Variants in PDE1C observed in about 807,000 individuals in gnomAD.
The protein encoded by PDE1C is phosphodiesterase 1C.
Under a neutral mutation model 93.1 loss-of-function variants are expected in PDE1C, and 62 were observed. That is an observed-to-expected ratio of 0.67 (90% CI 0.54 to 0.82). The LOEUF (loss-of-function observed/expected upper bound fraction) is 0.82. Among genes scored for constraint, PDE1C ranks in the 40% least tolerant of loss-of-function variants. The pLI is 0.00. For missense variants in PDE1C, 742 were observed against 884.6 expected, an observed-to-expected ratio of 0.84 and a Z score of 2.04; for synonymous variants, 325 against 310.1, an observed-to-expected ratio of 1.05 and a Z score of -0.50.
intron 1 of PDE1C, among the ~76,000 whole-genome samples, chr7:32,315,635 A>T (rs1783153432): frequency 6.6e-6 from 1 of 152,244 alleles, no homozygotes; most frequent in African/African-American, 2.4e-5. Context: ...ATAGAAAAAT[A>T]AACATTTTTA....
chr7:31,807,119 C>G (rs967100910), intron 16 of PDE1C, among the ~76,000 whole-genome samples: 1 of 151,640 alleles, frequency 6.6e-6, no homozygotes, highest in East Asian at 2.0e-4. Context: ...CTATTGATAC[C>G]AAAGCAGTAA....
chr7:31,625,937 G>C, the PDE1C span, among the ~76,000 whole-genome samples: 1 of 151,840 alleles, frequency 6.6e-6, no homozygotes, highest in Non-Finnish European at 1.5e-5. Flanking sequence ...TAGTAAGAAG[G>C]GTTTTTATTT....
intron 9 of PDE1C, among the ~76,000 whole-genome samples, chr7:31,846,466 T>C (rs1046666799): frequency 4.6e-5 from 7 of 152,014 alleles, no homozygotes; most frequent in Non-Finnish European, 8.8e-5. Flanking sequence ...TTATACCTTA[T>C]ACAAAAATTA....
intron 2 of PDE1C, among the ~76,000 whole-genome samples, chr7:32,171,568 T>C (rs982071297): frequency 6.7e-6 from 1 of 150,004 alleles, no homozygotes; most frequent in Non-Finnish European, 1.5e-5. Context: ...CAAAATTAAA[T>C]TATTAAAATT....
At chr7:32,348,889 T>C (rs200048688) in intron 1 of PDE1C, among the ~76,000 whole-genome samples, 1 of 117,410 alleles carries the variant, frequency 8.5e-6, no homozygotes, top group Admixed American at 8.1e-5. Context: ...TGATCAAAGA[T>C]CAATAAGCAA....
At chr7:31,805,494 T>C (rs1457556153) in intron 16 of PDE1C, among the ~76,000 whole-genome samples, 1 of 151,832 alleles carries the variant, frequency 6.6e-6, no homozygotes, top group Non-Finnish European at 1.5e-5. Context: ...TTTTATTCTG[T>C]TAACTAAAGC....
At chr7:31,724,504 C>T in the PDE1C span, among the ~76,000 whole-genome samples, 591 of 152,340 alleles carry the variant, frequency 3.9e-3, 2 homozygotes, top group African/African-American at 0.014. Context: ...CAATCCAAAG[C>T]ATCTCCCACC....
chr7:32,140,809 G>A (rs1800480134), intron 3 of PDE1C, among the ~76,000 whole-genome samples: 1 of 152,262 alleles, frequency 6.6e-6, no homozygotes, highest in Non-Finnish European at 1.5e-5. Flanking sequence ...GAGTGAGGAT[G>A]TGGGATGTAT....
intron 2 of PDE1C, among the ~76,000 whole-genome samples, chr7:32,007,959 C>T (rs1164727121): frequency 6.6e-6 from 1 of 152,170 alleles, no homozygotes; most frequent in Admixed American, 6.5e-5. Context: ...TAGAACAAAG[C>T]ATTTCAGAGA....
At chr7:32,207,842 TC>T (rs1194927371) in intron 2 of PDE1C, among the ~76,000 whole-genome samples, 1 of 151,990 alleles carries the variant, frequency 6.6e-6, no homozygotes, top group Non-Finnish European at 1.5e-5. Flanking sequence ...AGGACCGCCC[TC>T]CCCCCAACCT....
chr7:31,645,986 G>T, the PDE1C span, among the ~76,000 whole-genome samples: 144 of 152,250 alleles, frequency 9.5e-4, 1 homozygote, highest in African/African-American at 3.3e-3. Flanking sequence ...CATTTTGAGA[G>T]GCCGTATGGG....
the PDE1C span, chr7:31,652,095 C>T: frequency 1.5e-6 from 2 of 1,312,242 alleles, no homozygotes; most frequent in Non-Finnish European, 2.2e-6. Context: ...CAGCCTACCA[C>T]AGGAGAGGTG....
chr7:31,839,789 C>A (rs973251383), intron 9 of PDE1C, among the ~76,000 whole-genome samples: 15 of 152,198 alleles, frequency 9.9e-5, no homozygotes, highest in Non-Finnish European at 1.5e-4. Context: ...GTAATCCCAA[C>A]ACTTTGGGAG....
chr7:31,642,193 G>A, the PDE1C span: 18 of 1,560,642 alleles, frequency 1.2e-5, no homozygotes, highest in South Asian at 2.4e-5. Context: ...GGTGGACAGA[G>A]CAAATAGCTG....
intron 2 of PDE1C, 50 bp from the exon 3 acceptor site, chr7:31,880,910 T>C: frequency 9.0e-7 from 1 of 1,105,908 alleles, no homozygotes; most frequent in South Asian, 1.3e-5. Flanking sequence ...AAACAAAGAA[T>C]AATCCTACAA....
intron 1 of PDE1C, among the ~76,000 whole-genome samples, chr7:32,320,182 C>T (rs1218905767): frequency 6.6e-6 from 1 of 152,156 alleles, no homozygotes; most frequent in Non-Finnish European, 1.5e-5. Flanking sequence ...GTTTGTGTTT[C>T]ATTTTGTATG....
the PDE1C span, among the ~76,000 whole-genome samples, chr7:31,636,114 T>C: frequency 1.3e-5 from 2 of 152,030 alleles, no homozygotes; most frequent in African/African-American, 4.8e-5. Flanking sequence ...TCATGAGAAC[T>C]CACTCACTGT....
At chr7:32,114,410 C>A (rs1798866282) in intron 3 of PDE1C, among the ~76,000 whole-genome samples, 1 of 151,538 alleles carries the variant, frequency 6.6e-6, no homozygotes, top group Admixed American at 6.6e-5. Flanking sequence ...AGGAAAACTG[C>A]CCAGCCATAT....
chr7:31,643,551 G>T, the PDE1C span: 58 of 1,613,930 alleles, frequency 3.6e-5, no homozygotes, highest in Non-Finnish European at 4.6e-5. Flanking sequence ...TGGCCTTGGG[G>T]ACTGGTCCCA....
Sources: gnomAD v4.1 joint callset for allele counts (sites outside exome capture counted in the v4.1 genomes callset) on GRCh38, gnomAD v4.1.1 for gene constraint, MANE v1.5 for transcripts, NCBI Gene and HGNC (gene_info 2026-07-23, HGNC 2026-07-21) for gene names.